The following EPB41L2 variants were observed in gnomAD, a reference collection of about 807,000 sequenced individuals.
EPB41L2 encodes band 4.1-like protein 2.
Under a neutral mutation model 113.0 loss-of-function variants are expected in EPB41L2, and 43 were observed. The observed-to-expected ratio is 0.38, with a 90% CI of 0.30 to 0.49. The LOEUF is 0.49. Among genes scored for constraint, EPB41L2 ranks in the 20% least tolerant of loss-of-function variants. The probability of loss-of-function intolerance (pLI) is 0.95; values close to 1 mark genes in which losing one functional copy is unlikely to be tolerated. For synonymous variants in EPB41L2, 442 were observed against 436.7 expected (o/e 1.01, Z -0.15); for missense variants, 1,147 against 1,223.4 (o/e 0.94, Z 0.93).
intron 8 of EPB41L2, 59 bp from the exon 9 acceptor site, chr6:130,895,178 AAGCTAATT>A: frequency 6.6e-7 from 1 of 1,523,210 alleles, no homozygotes; most frequent in East Asian, 2.3e-5. Context: ...ACAAATCAAG[AAGCTAATT>A]AGCTCCCTCA....
chr6:130,979,703 A>G (rs569454819), intron 1 of EPB41L2, among the ~76,000 whole-genome samples: 87 of 152,306 alleles, frequency 5.7e-4, no homozygotes, highest in African/African-American at 2.0e-3. Flanking sequence ...AGATAGTGGT[A>G]CCATGAAGTT....
At chr6:131,029,066 A>T (rs933476573) in intron 1 of EPB41L2, among the ~76,000 whole-genome samples, 2 of 152,198 alleles carry the variant, frequency 1.3e-5, no homozygotes, top group African/African-American at 2.4e-5. Flanking sequence ...ATCAAATAGC[A>T]AACGTTTCAA....
intron 3 of EPB41L2, among the ~76,000 whole-genome samples, chr6:130,937,214 C>A (rs1809105371): frequency 6.6e-6 from 1 of 152,166 alleles, no homozygotes; most frequent in Non-Finnish European, 1.5e-5. Flanking sequence ...GACAAATGTA[C>A]AATGACACGT....
intron 13 of EPB41L2, among the ~76,000 whole-genome samples, chr6:130,878,978 C>T (rs563731150): frequency 2.0e-5 from 3 of 152,296 alleles, no homozygotes; most frequent in Non-Finnish European, 4.4e-5. Flanking sequence ...CGTCCTTATA[C>T]AGACAAATAT....
intron 1 of EPB41L2, among the ~76,000 whole-genome samples, chr6:131,043,567 C>T (rs1371506989): frequency 1.3e-5 from 2 of 152,052 alleles, no homozygotes; most frequent in Admixed American, 6.5e-5. Context: ...TCAACAACAA[C>T]AAAAATTGCA....
At chr6:130,899,600 A>C in intron 7 of EPB41L2, 22 bp from the exon 8 acceptor site, 1 of 1,595,586 alleles carries the variant, frequency 6.3e-7, no homozygotes, top group Non-Finnish European at 8.6e-7. Context: ...AAGAAACAGT[A>C]TTATCTTATT....
intron 10 of EPB41L2, among the ~76,000 whole-genome samples, chr6:130,891,428 T>TTTACTTACTTAC (rs34546609): frequency 0.042 from 6,283 of 149,436 alleles, 179 homozygotes; most frequent in African/African-American, 0.077. Flanking sequence ...TATTTATTTA[T>TTTACTTACTTAC]TTACTTACTT....
At chr6:131,037,230 T>A (rs1793513604) in intron 1 of EPB41L2, among the ~76,000 whole-genome samples, 1 of 152,214 alleles carries the variant, frequency 6.6e-6, no homozygotes, top group Non-Finnish European at 1.5e-5. Context: ...TATATGCCGA[T>A]CATTGGGAAT....
rs142630303 is a variant in EPB41L2 at position 130,949,241 on chromosome 6, T to C, written c.705+5864A>G. 8.5e-4 allele frequency among the ~76,000 whole-genome samples: 130 copies of C among 152,184 alleles called. 1 individual carries two copies. The East Asian group carries it at 0.019, about 23-fold the overall frequency. On this transcript the variant is annotated intron_variant, in intron 3 of 19. Transcript: ENST00000337057. ...TCTCTTCCCACAAAACATGCATACATAAACACAAATGCACACACTTTTGGA... is the reference window on the plus strand; with the variant it reads ...TCTCTTCCCACAAAACATGCATACACAAACACAAATGCACACACTTTTGGA...
At chr6:130,841,917 A>T (rs1775643787) in intron 19 of EPB41L2, among the ~76,000 whole-genome samples, 2 of 152,212 alleles carry the variant, frequency 1.3e-5, no homozygotes, top group African/African-American at 2.4e-5. Context: ...AAGACTTTTT[A>T]AAAAACCCAT....
At chr6:130,900,851 A>G (rs1796085431) in intron 7 of EPB41L2, 111 bp downstream of exon 7, 1 of 1,324,936 alleles carries the variant, frequency 7.5e-7, no homozygotes. Context: ...GAAACTCCAA[A>G]AGGAAAAATT....
intron 3 of EPB41L2, among the ~76,000 whole-genome samples, chr6:130,928,235 A>G (rs1805451659): frequency 6.6e-6 from 1 of 152,224 alleles, no homozygotes; most frequent in Admixed American, 6.5e-5. Context: ...CTACATATTA[A>G]AAGTATATAC....
chr6:130,882,062 C>T (rs1441995987), intron 12 of EPB41L2: 2 of 152,120 alleles, frequency 1.3e-5, no homozygotes, highest in Non-Finnish European at 2.9e-5. Flanking sequence ...CTAAGGAATT[C>T]TACTAATATA....
intron 19 of EPB41L2, among the ~76,000 whole-genome samples, chr6:130,853,295 G>A (rs894518149): frequency 1.3e-4 from 20 of 152,144 alleles, no homozygotes; most frequent in African/African-American, 4.6e-4. Context: ...AGTCAGAGAG[G>A]CTCCTGTGAA....
chr6:131,042,015 A>G (rs1221166033), intron 1 of EPB41L2, among the ~76,000 whole-genome samples: 3 of 152,214 alleles, frequency 2.0e-5, no homozygotes, highest in African/African-American at 7.2e-5. Context: ...GAAGTGATAA[A>G]CTGTGCTTTA....
chr6:130,845,317 T>C (rs4075265), intron 19 of EPB41L2, among the ~76,000 whole-genome samples: 119,134 of 152,156 alleles, frequency 0.78, 47,484 homozygotes, highest in East Asian at 1. Flanking sequence ...GGTGAGTAAA[T>C]CTACTGGCAG....
At chr6:130,945,770 A>AAC (rs1159611307) in intron 3 of EPB41L2, among the ~76,000 whole-genome samples, 1 of 152,202 alleles carries the variant, frequency 6.6e-6, no homozygotes, top group African/African-American at 2.4e-5. Flanking sequence ...AAGAAAAGTA[A>AAC]ACATAGATCG....
chr6:130,850,394 A>G (rs887280921), intron 19 of EPB41L2, among the ~76,000 whole-genome samples: 1 of 152,202 alleles, frequency 6.6e-6, no homozygotes, highest in African/African-American at 2.4e-5. Flanking sequence ...GGGTAATTTA[A>G]ATGCCCATTA....
At chr6:131,024,020 C>T (rs1317149244) in intron 1 of EPB41L2, among the ~76,000 whole-genome samples, 4 of 151,922 alleles carry the variant, frequency 2.6e-5, no homozygotes, top group Non-Finnish European at 5.9e-5. Context: ...TGGACAAAGC[C>T]CTGCAGTCAC....
Sources: gnomAD v4.1 joint callset for allele counts (sites outside exome capture counted in the v4.1 genomes callset) on GRCh38, gnomAD v4.1.1 for gene constraint, MANE v1.5 for transcripts, NCBI Gene and HGNC (gene_info 2026-07-23, HGNC 2026-07-21) for gene names.